The following AKAP6 variants were observed in gnomAD, a reference collection of about 807,000 sequenced individuals.
AKAP6 encodes A-kinase anchoring protein 6.
AKAP6 carries 58 observed loss-of-function variants against 188.5 expected under a neutral mutation model. The ratio of observed to expected loss-of-function variants is 0.31; its 90% CI spans 0.25 to 0.38. The LOEUF (loss-of-function observed/expected upper bound fraction) is 0.38. AKAP6 is among the 10% of genes least tolerant of loss of function. AKAP6 has a pLI of 1.00. For synonymous variants in AKAP6, 989 were observed against 998.6 expected (o/e 0.99, Z 0.18); for missense variants, 2,710 against 2,740.0 (o/e 0.99, Z 0.24).
chr14:32,471,114 C>G (rs749124033), intron 2 of AKAP6, among the ~76,000 whole-genome samples: 1 of 152,186 alleles, frequency 6.6e-6, no homozygotes, highest in Non-Finnish European at 1.5e-5. Flanking sequence ...TAATCAAATT[C>G]TTACCTTTAT....
intron 7 of AKAP6, among the ~76,000 whole-genome samples, chr14:32,629,103 G>A (rs1042916601): frequency 6.6e-6 from 1 of 152,038 alleles, no homozygotes; most frequent in African/African-American, 2.4e-5. Flanking sequence ...ACCTCTGTGA[G>A]CCAACAAGGA....
rs12433658 is a variant in AKAP6 at position 32,790,419 on chromosome 14, A to G, written c.3588+16526A>G. 2.4e-3 allele frequency among the ~76,000 whole-genome samples: 364 copies of G among 151,850 alleles called. 1 individual carries two copies. The highest frequency in any genetic ancestry group is 3.5e-3 in the Non-Finnish European group (239 of 67,918). ...AAGATCAACCCCAAGACACATAATC[A>G]TCAGATTCTGCAAGGTCAAAATGAA... is the stretch of plus-strand genomic sequence containing the variant. On this transcript the variant is annotated intron_variant, in intron 12 of 13. Transcript: ENST00000280979.
chr14:32,737,317 T>G (rs1015897508), intron 11 of AKAP6, among the ~76,000 whole-genome samples: 1 of 152,148 alleles, frequency 6.6e-6, no homozygotes, highest in African/African-American at 2.4e-5. Context: ...TAGCCAGAAT[T>G]TTAAATAATT....
chr14:32,536,746 C>T (rs899849107), intron 3 of AKAP6, among the ~76,000 whole-genome samples: 4 of 152,016 alleles, frequency 2.6e-5, no homozygotes, highest in Admixed American at 6.6e-5. Flanking sequence ...CATCTGAATT[C>T]GAGTGAACTG....
At chr14:32,525,854 T>A (rs1209636427) in intron 2 of AKAP6, among the ~76,000 whole-genome samples, 1 of 152,092 alleles carries the variant, frequency 6.6e-6, no homozygotes, top group African/African-American at 2.4e-5. Flanking sequence ...AAAGATACAG[T>A]CTAGTTAGGG....
chr14:32,468,987 A>G (rs996543526), intron 2 of AKAP6, among the ~76,000 whole-genome samples: 4 of 152,150 alleles, frequency 2.6e-5, no homozygotes, highest in Non-Finnish European at 4.4e-5. Flanking sequence ...AACTGTCCTA[A>G]ACTCTACAGT....
At chr14:32,575,607 C>A (rs551161035) in intron 4 of AKAP6, among the ~76,000 whole-genome samples, 1 of 152,176 alleles carries the variant, frequency 6.6e-6, no homozygotes, top group East Asian at 1.9e-4. Context: ...TTAGTTTTAT[C>A]AAATCTAACC....
intron 2 of AKAP6, chr14:32,442,238 A>G (rs1020371610): frequency 2.0e-5 from 3 of 152,222 alleles, no homozygotes; most frequent in Admixed American, 6.5e-5. Context: ...CAAACCATGT[A>G]TTTTGAGCCT....
intron 7 of AKAP6, among the ~76,000 whole-genome samples, chr14:32,626,448 C>A (rs891174517): frequency 3.9e-5 from 6 of 152,056 alleles, no homozygotes; most frequent in African/African-American, 1.4e-4. Flanking sequence ...AGCTCAGAAG[C>A]CTTGCCAATG....
intron 2 of AKAP6, among the ~76,000 whole-genome samples, chr14:32,522,618 T>C (rs1040802457): frequency 2.0e-5 from 3 of 152,098 alleles, no homozygotes; most frequent in Non-Finnish European, 4.4e-5. Flanking sequence ...ATCAGAGAAA[T>C]GCGAATCAAA....
chr14:32,410,091 C>G (rs1889431820), intron 1 of AKAP6, among the ~76,000 whole-genome samples: 1 of 152,112 alleles, frequency 6.6e-6, no homozygotes, highest in Admixed American at 6.6e-5. Context: ...CTTGAAACTG[C>G]CCTGCAAAGT....
chr14:32,711,267 C>T (rs1891045014), intron 9 of AKAP6, among the ~76,000 whole-genome samples: 1 of 151,970 alleles, frequency 6.6e-6, no homozygotes, highest in Non-Finnish European at 1.5e-5. Context: ...TTCATGTCAC[C>T]ACCAGGTGGC....
In AKAP6 at chr14:32,720,713, A is replaced by G. The variant is rs533915969; in HGVS notation, c.3001-11741A>G. Among the ~76,000 whole-genome samples, 30 of 152,280 alleles carry G rather than the reference A, an allele frequency of 2.0e-4. No homozygotes were observed. The South Asian group carries it at 6.2e-3, about 32-fold the overall frequency. On this transcript the variant is annotated intron_variant, in intron 9 of 13. Transcript: ENST00000280979. Reference sequence around the variant, plus strand: ...AAGTAGTTGTGCTGAGTGCAGTGGCATGCACCTGTAGTCCCAGCTACGTAG... The same window carrying G: ...AAGTAGTTGTGCTGAGTGCAGTGGCGTGCACCTGTAGTCCCAGCTACGTAG...
intron 9 of AKAP6, among the ~76,000 whole-genome samples, chr14:32,729,561 G>A (rs2031070086): frequency 6.6e-6 from 1 of 151,910 alleles, no homozygotes; most frequent in South Asian, 2.1e-4. Context: ...TATACACAGG[G>A]ATGGCATTTA....
At chr14:32,597,416 C>T (rs575131970) in intron 5 of AKAP6, among the ~76,000 whole-genome samples, 2 of 152,296 alleles carry the variant, frequency 1.3e-5, no homozygotes, top group South Asian at 4.1e-4. Flanking sequence ...TCTCTTTACC[C>T]TGTCCCTGCT....
Position 32,545,933 on chromosome 14 carries a change from C to T in AKAP6, c.1280C>T (p.Ser427Leu), listed in dbSNP as rs1039277621. Residue 427 changes from serine (S) to leucine (L), a missense_variant, in exon 4 of 14, where the codon TCG becomes TTG. Physicochemically the swap from Ser to Leu is moderately radical, Grantham distance 145 (BLOSUM62 -2). Around this residue, in one of 2 missense-constraint regions of AKAP6, gnomAD observed 2,473 missense variants for 2,426.1 expected, o/e 1.02. Coordinates refer to ENST00000280979, the MANE Select transcript of AKAP6 (RefSeq NM_004274.5). ...CCTGAGATGAGCAGAAGCACCCCTT[C>T]GCTAGTAGATCCTCCTGACAGATCC... ...LKPEMSRSTPSLVDPPDRSKL... is the reference protein window; with the variant it reads ...LKPEMSRSTPLLVDPPDRSKL... The T allele has an allele frequency of 1.2e-5, 20 of 1,614,076 alleles. No individual in the cohort carries two copies. Among genetic ancestry groups the T allele is most frequent in the Admixed American group, 1.2e-4 (7 of 60,004 alleles).
chr14:32,344,936 AAGAG>A (rs1281476265), intron 1 of AKAP6, among the ~76,000 whole-genome samples: 47 of 149,902 alleles, frequency 3.1e-4, no homozygotes, highest in Non-Finnish European at 6.2e-4. Flanking sequence ...AAAAAAAAAA[AAGAG>A]AGAGAGTATA....
At chr14:32,719,895 C>T (rs1204477201) in intron 9 of AKAP6, among the ~76,000 whole-genome samples, 1 of 151,722 alleles carries the variant, frequency 6.6e-6, no homozygotes, top group Non-Finnish European at 1.5e-5. Flanking sequence ...ACATTACTTG[C>T]AATTGTAGAA....
At chr14:32,796,403 C>T (rs993857897) in intron 12 of AKAP6, among the ~76,000 whole-genome samples, 1 of 152,194 alleles carries the variant, frequency 6.6e-6, no homozygotes, top group African/African-American at 2.4e-5. Context: ...GTAACTAAAA[C>T]AGCATGCATG....
Sources: gnomAD v4.1 joint callset for allele counts (sites outside exome capture counted in the v4.1 genomes callset) on GRCh38, gnomAD v4.1.1 for gene constraint, gnomAD v4.1.1 regional missense constraint, MANE v1.5 for transcripts, NCBI Gene and HGNC (gene_info 2026-07-23, HGNC 2026-07-21) for gene names.